TBC1D5: variants seen among roughly 807,000 people sequenced by gnomAD.
TBC1D5 encodes the protein TBC1 domain family, member 5.
Under a neutral mutation model 100.3 loss-of-function variants are expected in TBC1D5, and 75 were observed. The observed-to-expected ratio is 0.75, with a 90% CI of 0.62 to 0.91. The LOEUF (loss-of-function observed/expected upper bound fraction) is 0.91, where lower values mean the gene tolerates loss of function less well. Ranked by LOEUF, TBC1D5 falls within the 40% of genes least tolerant of loss-of-function variation. TBC1D5 has a pLI of 0.00. For synonymous variants in TBC1D5, 323 were observed against 325.6 expected, an observed-to-expected ratio of 0.99 and a Z score of 0.09; for missense variants, 910 against 942.4, an observed-to-expected ratio of 0.97 and a Z score of 0.45.
intron 13 of TBC1D5, among the ~76,000 whole-genome samples, chr3:17,362,177 A>G (rs2091781094): frequency 6.6e-6 from 1 of 152,212 alleles, no homozygotes; most frequent in Admixed American, 6.5e-5. Flanking sequence ...TATAATATAT[A>G]AAGCTATGAA....
At chr3:17,443,957 T>C (rs941522155) in intron 3 of TBC1D5, among the ~76,000 whole-genome samples, 32 of 151,940 alleles carry the variant, frequency 2.1e-4, no homozygotes, top group African/African-American at 7.5e-4. Flanking sequence ...TCTTCAAAAT[T>C]CAAAGTATTT....
At chr3:17,533,763 T>C (rs2096256342) in intron 2 of TBC1D5, among the ~76,000 whole-genome samples, 1 of 152,182 alleles carries the variant, frequency 6.6e-6, no homozygotes, top group South Asian at 2.1e-4. Context: ...TCTTTTAGTA[T>C]TATGTTATTC....
rs907119959 is a variant in TBC1D5, at chr3:17,394,122, A to T, written c.509+9059T>A. On this transcript the variant is annotated intron_variant, in intron 8 of 21. Transcript: ENST00000253692. ...ACCTCTCAAAACAAAGAATTGGTCC[A>T]AAATGTTAATACTCCCAAGGTTGAG... Among the ~76,000 whole-genome samples, 4 of 152,122 alleles carry T rather than the reference A, an allele frequency of 2.6e-5. No individual in the cohort carries two copies. In the South Asian group the frequency reaches 8.3e-4, roughly 31 times the overall value.
rs1259824913 is a variant in TBC1D5 at position 17,387,338 on chromosome 3, T to A, written c.510-3323A>T. On this transcript the variant is annotated intron_variant, in intron 8 of 21. Coordinates refer to ENST00000253692, the Ensembl canonical transcript of TBC1D5. ...GGGTAGTTAACAGAACAGCAGCACT[T>A]TCCAACTGCTTCCCTAATCAGTTAT... is the stretch of plus-strand genomic sequence containing the variant. Among the ~76,000 whole-genome samples the A allele has an allele frequency of 5.1e-4, 77 of 152,142 alleles. 1 individual carries two copies. The highest frequency in any genetic ancestry group is 1.5e-4 in the Non-Finnish European group (10 of 67,982).
At chr3:17,590,390 G>T (rs1050278424) in intron 2 of TBC1D5, among the ~76,000 whole-genome samples, 7 of 152,164 alleles carry the variant, frequency 4.6e-5, no homozygotes, top group Non-Finnish European at 1.0e-4. Flanking sequence ...CTGAAATACG[G>T]ATTAAAAGAT....
intron 13 of TBC1D5, among the ~76,000 whole-genome samples, chr3:17,325,813 C>T (rs879669588): frequency 6.6e-6 from 1 of 152,112 alleles, no homozygotes; most frequent in South Asian, 2.1e-4. Flanking sequence ...ACAGCTTTTA[C>T]GTATTGACTA....
At chr3:17,332,232 A>G (rs958027805) in intron 13 of TBC1D5, among the ~76,000 whole-genome samples, 1 of 152,152 alleles carries the variant, frequency 6.6e-6, no homozygotes, top group African/African-American at 2.4e-5. Context: ...GGCCAATGTG[A>G]TTTGTTAATT....
chr3:17,504,623 G>A (rs1004601846), intron 3 of TBC1D5, among the ~76,000 whole-genome samples: 2 of 152,046 alleles, frequency 1.3e-5, no homozygotes, highest in African/African-American at 2.4e-5. Flanking sequence ...TCAACAATCT[G>A]GATTTTATTG....
rs1040039893 is a variant in TBC1D5 at position 17,248,907 on chromosome 3, G to A, written c.1331+9599C>T. 2.0e-5 allele frequency among the ~76,000 whole-genome samples: 3 copies of A among 152,070 alleles called. No individual in the cohort carries two copies. In the East Asian group the frequency reaches 5.8e-4, roughly 29 times the overall value. ...CATAGATACATCTTCTGGATAACTC[G>A]CTGCAGCTTCTATATCAGTACTTGC... is the stretch of plus-strand genomic sequence containing the variant. On this transcript the variant is annotated intron_variant, in intron 16 of 21. Transcript: ENST00000253692.
intron 19 of TBC1D5, among the ~76,000 whole-genome samples, chr3:17,179,591 C>G (rs1221755037): frequency 1.3e-5 from 2 of 152,164 alleles, no homozygotes; most frequent in Non-Finnish European, 2.9e-5. Context: ...GGTCTGGACT[C>G]TCGTTGCCAG....
intron 12 of TBC1D5, among the ~76,000 whole-genome samples, chr3:17,372,998 T>C (rs73156319): frequency 0.061 from 9,246 of 152,224 alleles, 549 homozygotes; most frequent in African/African-American, 0.15. Flanking sequence ...GTAATGATCA[T>C]GCAGCCACAG....
intron 2 of TBC1D5, among the ~76,000 whole-genome samples, chr3:17,598,380 T>C (rs904780801): frequency 1.3e-5 from 2 of 152,210 alleles, no homozygotes; most frequent in African/African-American, 4.8e-5. Flanking sequence ...TTGAAGAAAT[T>C]ATTTTGGATT....
chr3:17,437,560 G>A (rs2094557493), intron 3 of TBC1D5, among the ~76,000 whole-genome samples: 1 of 146,606 alleles, frequency 6.8e-6, no homozygotes, highest in Non-Finnish European at 1.5e-5. Flanking sequence ...TAGGTAGTAT[G>A]CATGTGTGTG....
intron 16 of TBC1D5, among the ~76,000 whole-genome samples, chr3:17,240,680 GA>G (rs2076233990): frequency 6.6e-6 from 1 of 152,134 alleles, no homozygotes; most frequent in South Asian, 2.1e-4. Flanking sequence ...ATAGTATAAA[GA>G]AAAGCTATCA....
At chr3:17,209,657 A>G (rs775012709) in intron 18 of TBC1D5, among the ~76,000 whole-genome samples, 1 of 152,228 alleles carries the variant, frequency 6.6e-6, no homozygotes, top group Non-Finnish European at 1.5e-5. Flanking sequence ...TTCTAATCCC[A>G]GCTCAGTTAT....
intron 13 of TBC1D5, among the ~76,000 whole-genome samples, chr3:17,327,995 A>G (rs367602888): frequency 6.6e-6 from 1 of 152,162 alleles, no homozygotes; most frequent in Non-Finnish European, 1.5e-5. Context: ...CTTGCCAGGC[A>G]TGGTGGCTAA....
intron 3 of TBC1D5, among the ~76,000 whole-genome samples, chr3:17,497,006 A>G (rs1248373922): frequency 6.6e-6 from 1 of 151,842 alleles, no homozygotes; most frequent in Admixed American, 6.6e-5. Context: ...CCTATGTATG[A>G]CAAGCCTATT....
chr3:17,718,367 G>A (rs1423152786), intron 1 of TBC1D5, among the ~76,000 whole-genome samples: 4 of 152,112 alleles, frequency 2.6e-5, no homozygotes, highest in Admixed American at 6.6e-5. Flanking sequence ...AGTCCAAGGC[G>A]GGGGCAGATC....
chr3:17,413,711 C>T (rs148856841), intron 4 of TBC1D5, among the ~76,000 whole-genome samples: 110 of 152,204 alleles, frequency 7.2e-4, no homozygotes, highest in Non-Finnish European at 9.7e-4. Flanking sequence ...GAATCATTGT[C>T]CCAAATGGTG....
Sources: allele counts gnomAD v4.1 joint callset (sites outside exome capture counted in the v4.1 genomes callset), GRCh38; gene constraint gnomAD v4.1.1; transcripts MANE v1.5; gene names NCBI Gene and HGNC (gene_info 2026-07-23, HGNC 2026-07-21).